STX12: variants seen among roughly 807,000 people sequenced by gnomAD.
The protein encoded by STX12 is syntaxin-12.
Under a neutral mutation model 42.2 loss-of-function variants are expected in STX12, and 17 were observed. The ratio of observed to expected loss-of-function variants is 0.40; its 90% confidence interval spans 0.28 to 0.60. The LOEUF (loss-of-function observed/expected upper bound fraction) is 0.60, where lower values mean the gene tolerates loss of function less well. Among genes scored for constraint, STX12 ranks in the 20% least tolerant of loss-of-function variants. The probability of loss-of-function intolerance (pLI) is 0.39; values close to 1 mark genes in which losing one functional copy is unlikely to be tolerated. For synonymous variants in STX12, 108 were observed against 116.7 expected, an observed-to-expected ratio of 0.93 and a Z score of 0.48; for missense variants, 297 against 330.9, an observed-to-expected ratio of 0.90 and a Z score of 0.79.
intron 2 of STX12, among the ~76,000 whole-genome samples, chr1:27,792,214 C>CTACA (rs2088750554): frequency 9.0e-6 from 1 of 111,368 alleles, no homozygotes; most frequent in African/African-American, 3.4e-5. Flanking sequence ...ATATATGTAT[C>CTACA]TATATATATG....
chr1:27,773,778 C>T (rs187472420), intron 1 of STX12: 5 of 238,246 alleles, frequency 2.1e-5, no homozygotes, highest in Admixed American at 4.8e-5. Flanking sequence ...TCTCCTGTCA[C>T]CCACCTTCCT....
intron 4 of STX12, among the ~76,000 whole-genome samples, chr1:27,805,973 G>A (rs1363629746): frequency 1.3e-5 from 2 of 151,960 alleles, no homozygotes; most frequent in East Asian, 3.9e-4. Flanking sequence ...TACTTTGATT[G>A]GATCTTTTAT....
rs535115263 is a variant in STX12 at position 27,820,501 on chromosome 1, G to A, written c.732+769G>A. Among the ~76,000 whole-genome samples, 754 of 152,240 alleles carry A rather than the reference G, an allele frequency of 5.0e-3. 6 individuals carry two copies. The highest frequency in any genetic ancestry group is 0.017 in the African/African-American group (724 of 41,560). ...TGGTAGTTTCTTTTGCTGTGCAGAA[G>A]CTCTTTAGTTTAATTAGATCCCATT... On this transcript the variant is annotated intron_variant, in intron 8 of 8. Transcript: ENST00000373943.
At chr1:27,783,887 AG>A (rs1471821873) in intron 1 of STX12, among the ~76,000 whole-genome samples, 3 of 152,024 alleles carry the variant, frequency 2.0e-5, no homozygotes, top group Non-Finnish European at 4.4e-5. Flanking sequence ...ATTTCCAAAA[AG>A]CATCACTTGG....
chr1:27,788,386 C>T (rs1338538278), intron 1 of STX12, among the ~76,000 whole-genome samples: 1 of 152,150 alleles, frequency 6.6e-6, no homozygotes, highest in Non-Finnish European at 1.5e-5. Flanking sequence ...TGTTCAGAGT[C>T]CCAGGCAGGC....
rs1300795557 is a variant in STX12, at chr1:27,809,579, C to T, written c.427-667C>T. The stretch of plus-strand genomic sequence containing the variant: ...TGATTCAATTCTCCTACCTTAGCCT[C>T]CTGAGTAGCTGGGACTACAGGTGCC... On this transcript the variant is annotated intron_variant, in intron 4 of 8. Transcript: ENST00000373943. 2.7e-5 allele frequency among the ~76,000 whole-genome samples: 4 copies of T among 150,490 alleles called. No individual in the cohort carries two copies. In the South Asian group the frequency reaches 6.3e-4, roughly 24 times the overall value.
intron 3 of STX12, among the ~76,000 whole-genome samples, chr1:27,799,227 T>C (rs1361101171): frequency 2.0e-5 from 3 of 152,166 alleles, no homozygotes; most frequent in African/African-American, 7.2e-5. Flanking sequence ...CCAGTCAAAA[T>C]GTTTCTTAAA....
At chr1:27,801,469 G>T (rs1300364165) in intron 3 of STX12, among the ~76,000 whole-genome samples, 1 of 151,832 alleles carries the variant, frequency 6.6e-6, no homozygotes, top group African/African-American at 2.4e-5. Flanking sequence ...TTGTCAGAAT[G>T]AAAGAAGAAA....
chr1:27,810,201 A>G lies in STX12; in HGVS notation c.427-45A>G, dbSNP rs1237704143. The G allele has an allele frequency of 8.8e-6, 14 of 1,591,348 alleles. No homozygotes were observed. The East Asian group carries it at 1.3e-4, about 15-fold the overall frequency. Reference sequence around the variant, plus strand: ...GAAGCCCTTGTTTTGTGTGTCTGTGATGTGTTTCTGGATGACAGCAGCAAT... The same window carrying G: ...GAAGCCCTTGTTTTGTGTGTCTGTGGTGTGTTTCTGGATGACAGCAGCAAT... On this transcript the variant is annotated intron_variant, in intron 4 of 8. Transcript: ENST00000373943.
intron 1 of STX12, among the ~76,000 whole-genome samples, chr1:27,774,639 G>A (rs371503613): frequency 3.3e-5 from 5 of 152,118 alleles, no homozygotes; most frequent in African/African-American, 1.2e-4. Context: ...GATTACAGGC[G>A]TGAGCCACTG....
intron 6 of STX12, among the ~76,000 whole-genome samples, chr1:27,814,924 A>T (rs189932197): frequency 4.4e-4 from 67 of 152,076 alleles, no homozygotes; most frequent in South Asian, 1.9e-3. Flanking sequence ...GAAAATATTT[A>T]AAAAAAACTA....
chr1:27,808,094 C>T (rs2088876624), intron 4 of STX12, among the ~76,000 whole-genome samples: 1 of 151,904 alleles, frequency 6.6e-6, no homozygotes, highest in African/African-American at 2.4e-5. Context: ...TGGAGAAGGG[C>T]ACATGAGTAG....
intron 1 of STX12, among the ~76,000 whole-genome samples, chr1:27,781,890 T>C (rs772878398): frequency 3.3e-5 from 5 of 152,204 alleles, no homozygotes; most frequent in South Asian, 2.1e-4. Flanking sequence ...TTGATAATAA[T>C]AGCTATCTTT....
At chr1:27,801,317 C>T (rs886519093) in intron 3 of STX12, among the ~76,000 whole-genome samples, 1 of 151,758 alleles carries the variant, frequency 6.6e-6, no homozygotes, top group Non-Finnish European at 1.5e-5. Context: ...GCACAAGAAT[C>T]GCTTGAACAC....
intron 1 of STX12, among the ~76,000 whole-genome samples, chr1:27,788,949 T>G (rs946285334): frequency 6.6e-6 from 1 of 152,022 alleles, no homozygotes; most frequent in East Asian, 1.9e-4. Flanking sequence ...GAGGCGGAGC[T>G]TGCGTGAGCT....
intron 7 of STX12, 103 bp from the exon 8 acceptor site, chr1:27,819,547 A>T: frequency 1.1e-6 from 1 of 892,138 alleles, no homozygotes; most frequent in Non-Finnish European, 1.7e-6. Context: ...GATAGTTTGG[A>T]TAGTGGTAGT....
intron 1 of STX12, among the ~76,000 whole-genome samples, chr1:27,779,899 C>G (rs888004051): frequency 6.6e-6 from 1 of 152,024 alleles, no homozygotes; most frequent in Non-Finnish European, 1.5e-5. Context: ...TCAAGCGATC[C>G]TCCAGCCTCA....
At position 27,773,234 on chromosome 1, in the gene STX12, A is replaced by G. The variant is rs2088606730; in HGVS notation, c.-74A>G. 2.1e-6 allele frequency: 2 copies of G among 974,964 alleles called. No homozygotes were observed. Among genetic ancestry groups the G allele is most frequent in the Non-Finnish European group, 3.2e-6 (2 of 634,134 alleles). The allele number at this position is 974,964 out of a possible 1,614,324, so 60.4% of individuals were successfully genotyped here. ...CCTTGCTCTTCCCAGTTTCTCCGTC[A>G]GCCTGCGGGTCCCGGCTGGCGGCTG... On this transcript the variant is annotated 5_prime_UTR_variant, in exon 1 of 9. Coordinates refer to ENST00000373943, the MANE Select transcript of STX12 (RefSeq NM_177424.3).
rs181198301 is a variant in STX12, at chr1:27,801,807, C to T, written c.418C>T (p.Arg140Cys). The change falls in exon 4 of 9, where the codon CGT becomes TGT. Residue 140 changes from arginine (R) to cysteine (C), a missense_variant. Arg to Cys is a radical substitution (Grantham distance 180). Transcript: ENST00000373943. Reference sequence around the variant, plus strand: ...TATTGCCAGAGCAAGAGCTGGATCTCGTCTTTCTGTAAGTTGATTCCCAAA... The same window carrying T: ...TATTGCCAGAGCAAGAGCTGGATCTTGTCTTTCTGTAAGTTGATTCCCAAA... ...ESIARARAGSRLSAEERQREE... is the reference protein window; with the variant it reads ...ESIARARAGSCLSAEERQREE... The T allele has an allele frequency of 1.4e-4, 221 of 1,578,440 alleles. No individual in the cohort carries two copies. Among genetic ancestry groups the T allele is most frequent in the Non-Finnish European group, 1.8e-4 (206 of 1,168,560 alleles).
Sources: allele counts gnomAD v4.1 joint callset (sites outside exome capture counted in the v4.1 genomes callset), GRCh38; gene constraint gnomAD v4.1.1; transcripts MANE v1.5; gene names NCBI Gene and HGNC (gene_info 2026-07-23, HGNC 2026-07-21).